The following MOB2 variants were observed in gnomAD, a reference collection of about 807,000 sequenced individuals.
The protein encoded by MOB2 is MOB kinase activator 2.
In MOB2, 14 loss-of-function variants were observed where a neutral mutation model predicts 27.4. The observed-to-expected ratio is 0.51, with a 90% CI of 0.34 to 0.80. MOB2 has a LOEUF of 0.80. Among genes scored for constraint, MOB2 ranks in the 30% least tolerant of loss-of-function variants. The probability of loss-of-function intolerance (pLI) is 0.01; values close to 1 mark genes in which losing one functional copy is unlikely to be tolerated. For synonymous variants in MOB2, 167 were observed against 151.8 expected (o/e 1.10, Z -0.74); for missense variants, 304 against 354.6 (o/e 0.86, Z 1.15).
chr11:1,484,890 A>T lies in MOB2; in HGVS notation c.110+1557T>A, dbSNP rs112632254. ...GTGGAGTGTGGCTTCTTTTCTTCTG[A>T]GTTTAATTGTCTGCCCCCCCAAACA... On this transcript the variant is annotated intron_variant, in intron 1 of 4. Transcript: ENST00000329957. Among the ~76,000 whole-genome samples the T allele has an allele frequency of 8.5e-4, 129 of 152,150 alleles. 2 individuals carry two copies. The highest frequency in any genetic ancestry group is 3.0e-3 in the African/African-American group (125 of 41,510).
Position 1,471,275 on chromosome 11 carries a change from C to A in MOB2, c.490+20G>T. The stretch of plus-strand genomic sequence containing the variant: ...CTGCCCCACTGTGAGGATGACCGCC[C>A]AGTGCTGGGGGAGACGAACCGTATT... On this transcript the variant is annotated intron_variant, in intron 4 of 4. Transcript: ENST00000329957. The A allele has an allele frequency of 6.2e-7, 1 of 1,605,286 alleles. No individual in the cohort carries two copies. Among genetic ancestry groups the A allele is most frequent in the Non-Finnish European group, 8.5e-7 (1 of 1,175,642 alleles).
At chr11:1,480,631 CT>C in intron 2 of MOB2, 93 bp downstream of exon 2, 2 of 1,533,042 alleles carry the variant, frequency 1.3e-6, no homozygotes, top group Non-Finnish European at 1.8e-6. Flanking sequence ...CGGCAGGGGG[CT>C]GCTGAGCACC....
chr11:1,477,786 C>T (rs914204367), intron 3 of MOB2, among the ~76,000 whole-genome samples: 7 of 152,120 alleles, frequency 4.6e-5, no homozygotes, highest in African/African-American at 1.7e-4. Context: ...GACAGCATCC[C>T]GAATGAAATA....
intron 4 of MOB2, among the ~76,000 whole-genome samples, chr11:1,470,847 C>T (rs998443674): frequency 4.6e-5 from 7 of 152,236 alleles, no homozygotes; most frequent in Non-Finnish European, 7.3e-5. Context: ...GGCCATCTCC[C>T]GGGCCAGGAC....
At chr11:1,480,920 C>T (rs755390294) in intron 1 of MOB2, 35 bp from the exon 2 acceptor site, 52 of 1,547,918 alleles carry the variant, frequency 3.4e-5, no homozygotes, top group Non-Finnish European at 3.8e-5. Flanking sequence ...GGTCACTACA[C>T]GCCCATCAGA....
chr11:1,474,543 A>T (rs979442142), intron 3 of MOB2, among the ~76,000 whole-genome samples: 1 of 152,250 alleles, frequency 6.6e-6, no homozygotes, highest in Non-Finnish European at 1.5e-5. Context: ...TTTTCCCAGC[A>T]GCATTTTTGA....
chr11:1,486,715 C>A lies in MOB2; in HGVS notation c.-159G>T. The A allele has an allele frequency of 1.7e-6, 1 of 594,682 alleles. No homozygotes were observed. Among genetic ancestry groups the A allele is most frequent in the Non-Finnish European group, 3.0e-6 (1 of 334,194 alleles). 36.8% of individuals were successfully genotyped at this position (594,682 alleles called of 1,614,324 possible). On this transcript the variant is annotated 5_prime_UTR_variant, in exon 1 of 5. Coordinates refer to ENST00000329957, the MANE Select transcript of MOB2 (RefSeq NM_001172223.3). ...CCCCTTTCCAGAGGCAAGGGCTGGCCAAGGCTGGTGAAACGAGGGAGCGTC... is the reference window on the plus strand; with the variant it reads ...CCCCTTTCCAGAGGCAAGGGCTGGCAAAGGCTGGTGAAACGAGGGAGCGTC...
chr11:1,470,051 C>A lies in MOB2; in HGVS notation c.*121G>T. ...GCCTGTGCAGCCCACACCAGTGCAG[C>A]CCGGGGCCCTCTCAGACCTCACCAC... On this transcript the variant is annotated 3_prime_UTR_variant, in exon 5 of 5. Transcript: ENST00000329957. 1 of 1,537,064 alleles carries A rather than the reference C, an allele frequency of 6.5e-7. No individual in the cohort carries two copies. Among genetic ancestry groups the A allele is most frequent in the African/African-American group, 1.4e-5 (1 of 73,188 alleles).
At position 1,469,779 on chromosome 11, in the gene MOB2, C is replaced by G. The variant is rs1432996249; in HGVS notation, c.*393G>C. The G allele has an allele frequency of 2.1e-6, 1 of 487,716 alleles. No homozygotes were observed. The highest frequency in any genetic ancestry group is 4.0e-6 in the Non-Finnish European group (1 of 248,166). 30.2% of individuals were successfully genotyped at this position (487,716 alleles called of 1,614,324 possible). A position where few individuals can be genotyped will look rare whatever the true frequency, so the allele number is the denominator to read the frequency against. ...AGCAAGCCCCACCCCCAGAGCAGAG[C>G]AGAGACCCAGGTCTGCAAATCACAC... On this transcript the variant is annotated 3_prime_UTR_variant, in exon 5 of 5. Coordinates refer to ENST00000329957, the MANE Select transcript of MOB2 (RefSeq NM_001172223.3).
chr11:1,478,357 C>G (rs1847875038), intron 3 of MOB2, among the ~76,000 whole-genome samples: 1 of 152,384 alleles, frequency 6.6e-6, no homozygotes, highest in East Asian at 1.9e-4. Context: ...TGGGAGAACT[C>G]TGCAGGGAGC....
At chr11:1,470,819 T>C (rs1005555114) in intron 4 of MOB2, among the ~76,000 whole-genome samples, 3 of 152,146 alleles carry the variant, frequency 2.0e-5, no homozygotes, top group Admixed American at 2.0e-4. Context: ...CCGTGGTGTC[T>C]CCCTGATGGA....
At chr11:1,473,505 C>T (rs1360631596) in intron 3 of MOB2, 1 of 152,292 alleles carries the variant, frequency 6.6e-6, no homozygotes, top group Non-Finnish European at 1.5e-5. Context: ...TGGCTCAGCA[C>T]TCTGCAGGAG....
chr11:1,482,860 G>A (rs1380334099), intron 1 of MOB2, among the ~76,000 whole-genome samples: 1 of 152,126 alleles, frequency 6.6e-6, no homozygotes, highest in Non-Finnish European at 1.5e-5. Flanking sequence ...GGAAAGCCCC[G>A]AACGCCTGGC....
At position 1,470,211 on chromosome 11, in the gene MOB2, G is replaced by C; in HGVS notation, c.768C>G (p.Ser256Arg). 1 of 1,611,150 alleles carries C rather than the reference G, an allele frequency of 6.2e-7. No homozygotes were observed. The highest frequency in any genetic ancestry group is 8.5e-7 in the Non-Finnish European group (1 of 1,179,264). The change falls in exon 5 of 5, where the codon AGC (serine) becomes AGG (arginine). Residue 256 changes from serine (S) to arginine (R), a missense_variant. Coordinates refer to ENST00000329957, the MANE Select transcript of MOB2 (RefSeq NM_001172223.3). Reference sequence around the variant, plus strand: ...CGTGGTTCTGTGCTCCCGGGCCCCCGCTGCCGGCCCCATCCCCACTGCCCC... The same window carrying C: ...CGTGGTTCTGTGCTCCCGGGCCCCCCCTGCCGGCCCCATCCCCACTGCCCC... ...HSGGSGDGAGSGGPGAQNHVK... is the reference protein window; with the variant it reads ...HSGGSGDGAGRGGPGAQNHVK...
intron 3 of MOB2, chr11:1,472,635 T>A (rs1847806801): frequency 6.6e-6 from 1 of 152,366 alleles, no homozygotes; most frequent in African/African-American, 2.4e-5. Flanking sequence ...CTGAAAAGGA[T>A]GGACCCAGGC....
chr11:1,471,684 C>T (rs896544926), intron 3 of MOB2: 9 of 410,362 alleles, frequency 2.2e-5, no homozygotes, highest in African/African-American at 1.2e-4. Context: ...CATGGCTGTA[C>T]AGGTGTGTGA....
At chr11:1,471,534 G>A in intron 3 of MOB2, 115 bp from the exon 4 acceptor site, 1 of 1,348,418 alleles carries the variant, frequency 7.4e-7, no homozygotes, top group South Asian at 1.4e-5. Flanking sequence ...CGGAGGTGTG[G>A]CAGACCCAGG....
rs745609298 is a variant in MOB2 at position 1,469,734 on chromosome 11, G to A, written c.*438C>T. 3 of 464,120 alleles carry A rather than the reference G, an allele frequency of 6.5e-6. No individual in the cohort carries two copies. The highest frequency in any genetic ancestry group is 3.2e-4 in the Middle Eastern group (1 of 3,120). The allele number at this position is 464,120 out of a possible 1,614,324, so 28.8% of individuals were successfully genotyped here. ...GAGGCCGGGAGAGGAGGGGTGAGAG[G>A]GAAGGAGGGTCTCTGTGAAAGCAAG... On this transcript the variant is annotated 3_prime_UTR_variant, in exon 5 of 5. Coordinates refer to ENST00000329957, the MANE Select transcript of MOB2 (RefSeq NM_001172223.3).
Position 1,480,499 on chromosome 11 carries a change from A to G in MOB2, c.272-13T>C, listed in dbSNP as rs1176419130. Reference sequence around the variant, plus strand: ...AAAAACGTCGTGGCTGGAAGAGAAGAGAAGGAGCCAGATGTGAAAAACGCC... The same window carrying G: ...AAAAACGTCGTGGCTGGAAGAGAAGGGAAGGAGCCAGATGTGAAAAACGCC... On this transcript the variant is annotated splice_polypyrimidine_tract_variant and intron_variant, in intron 2 of 4. Transcript: ENST00000329957. 1.2e-6 allele frequency: 2 copies of G among 1,612,932 alleles called. No individual in the cohort carries two copies. Among genetic ancestry groups the G allele is most frequent in the African/African-American group, 2.7e-5 (2 of 74,940 alleles).
Sources: gnomAD v4.1 joint callset for allele counts (sites outside exome capture counted in the v4.1 genomes callset) on GRCh38, gnomAD v4.1.1 for gene constraint, MANE v1.5 for transcripts, NCBI Gene and HGNC (gene_info 2026-07-23, HGNC 2026-07-21) for gene names.